The following ADGRE3 variants were observed in gnomAD, a reference collection of about 807,000 sequenced individuals.
ADGRE3 encodes adhesion G protein-coupled receptor E3.
A neutral mutation model predicts 80.1 loss-of-function variants in ADGRE3; 88 were observed. That is an observed-to-expected ratio of 1.10 (90% CI 0.93 to 1.31). The LOEUF is 1.31. ADGRE3 is among the 40% of genes most tolerant of loss of function. The pLI, the probability that ADGRE3 is intolerant of heterozygous loss-of-function variation, is 0.00. For missense variants in ADGRE3, 715 were observed against 776.5 expected (o/e 0.92, Z 0.94); for synonymous variants, 281 against 294.8 (o/e 0.95, Z 0.48).
At position 14,658,540 on chromosome 19, in the gene ADGRE3, G is replaced by C; in HGVS notation, c.366C>G (p.Ser122=). The C allele has an allele frequency of 6.4e-7, 1 of 1,566,000 alleles. No homozygotes were observed. The highest frequency in any genetic ancestry group is 8.7e-7 in the Non-Finnish European group (1 of 1,155,562). ...SNENTCQDTT[S]SKTTEGRKEL... is the part of the protein sequence containing the mutation. ...CTTTCCTGCCCTCGGTTGTCTTTGA[G>C]GAGGTGGTGTCTGCAAAAGACATCA... is the stretch of plus-strand genomic sequence containing the variant. Residue 122 remains serine (S), a synonymous_variant, in exon 5 of 16, where the codon TCC becomes TCG. Coordinates refer to ENST00000253673, the MANE Select transcript of ADGRE3 (RefSeq NM_032571.5).
chr19:14,664,876 C>G (rs1441596828), intron 2 of ADGRE3, among the ~76,000 whole-genome samples: 1 of 151,956 alleles, frequency 6.6e-6, no homozygotes, highest in Non-Finnish European at 1.5e-5. Context: ...ACCCCAGATT[C>G]TGAGCTGTCT....
Position 14,662,056 on chromosome 19 carries a change from C to A in ADGRE3, c.262G>T (p.Val88Phe), listed in dbSNP as rs745737541. Residue 88 changes from valine (V) to phenylalanine (F), a missense_variant, in exon 4 of 16, where the codon GTC becomes TTC. Coordinates refer to ENST00000253673, the MANE Select transcript of ADGRE3 (RefSeq NM_032571.5). ...CATTGACAGTAGAAACTTCCTTCGA[C>A]ATTGTAACACACAGCGTTAAATCCA... Reference protein sequence around the residue: ...YCGFNAVCYNVEGSFYCQCVP... With the variant: ...YCGFNAVCYNFEGSFYCQCVP... 9.9e-6 allele frequency: 16 copies of A among 1,613,974 alleles called. No individual in the cohort carries two copies. The highest frequency in any genetic ancestry group is 2.7e-5 in the African/African-American group (2 of 74,930).
intron 7 of ADGRE3, among the ~76,000 whole-genome samples, chr19:14,648,017 G>A (rs1182259455): frequency 6.7e-6 from 1 of 149,364 alleles, no homozygotes; most frequent in African/African-American, 2.5e-5. Context: ...AAGAGGCGGA[G>A]GCTGAAGTAA....
intron 6 of ADGRE3, among the ~76,000 whole-genome samples, chr19:14,652,397 T>C (rs1971632448): frequency 6.6e-6 from 1 of 151,884 alleles, no homozygotes; most frequent in Non-Finnish European, 1.5e-5. Flanking sequence ...GATGGGTGCA[T>C]CAGGGATTTT....
the ADGRE3 span, among the ~76,000 whole-genome samples, chr19:14,612,489 C>G: frequency 6.6e-6 from 1 of 152,190 alleles, no homozygotes; most frequent in Admixed American, 6.5e-5. Flanking sequence ...TGTGCACCAC[C>G]GTGCCTGGTT....
At chr19:14,662,224 C>G in intron 3 of ADGRE3, 106 bp from the exon 4 acceptor site, 1 of 1,134,380 alleles carries the variant, frequency 8.8e-7, no homozygotes, top group Non-Finnish European at 1.3e-6. Context: ...TCCTGGCTTT[C>G]CGAGACAAAT....
chr19:14,621,234 CTT>C (rs1157742319), intron 15 of ADGRE3, among the ~76,000 whole-genome samples: 19 of 152,140 alleles, frequency 1.2e-4, no homozygotes, highest in African/African-American at 4.3e-4. Flanking sequence ...GGGCGGATCA[CTT>C]GAGATCAGGA....
At chr19:14,636,505 C>A (rs894262868) in intron 11 of ADGRE3, among the ~76,000 whole-genome samples, 2 of 152,008 alleles carry the variant, frequency 1.3e-5, no homozygotes, top group African/African-American at 4.8e-5. Context: ...CCGTGCCCGA[C>A]CTTAAAGCTC....
At chr19:14,617,360 T>TTC (rs1568469519), downstream of ADGRE3, among the ~76,000 whole-genome samples, 1 of 115,870 alleles carries the variant, frequency 8.6e-6, no homozygotes, top group African/African-American at 3.4e-5. Flanking sequence ...CTTTCTTTCT[T>TTC]TCTTTCTTTC....
chr19:14,628,160 A>G (rs1228664267), intron 14 of ADGRE3, among the ~76,000 whole-genome samples: 1 of 151,882 alleles, frequency 6.6e-6, no homozygotes, highest in Non-Finnish European at 1.5e-5. Flanking sequence ...ACAACAAAAA[A>G]ACGAATAACA....
At chr19:14,608,320 A>C in the ADGRE3 span, among the ~76,000 whole-genome samples, 1 of 152,044 alleles carries the variant, frequency 6.6e-6, no homozygotes, top group Non-Finnish European at 1.5e-5. Context: ...GGGCCTAGAG[A>C]CCCTGATTGC....
intron 14 of ADGRE3, among the ~76,000 whole-genome samples, chr19:14,629,827 A>T (rs2146811285): frequency 6.6e-6 from 1 of 152,268 alleles, no homozygotes; most frequent in South Asian, 2.1e-4. Flanking sequence ...TTTTTTTTTG[A>T]CATAGCAATT....
chr19:14,661,815 G>A (rs1425631999), intron 4 of ADGRE3, 148 bp downstream of exon 4: 3 of 737,834 alleles, frequency 4.1e-6, no homozygotes, highest in South Asian at 3.6e-5. Context: ...CAGGAGAATC[G>A]CTTGAGCCCG....
At chr19:14,666,673 G>A (rs759311682) in intron 2 of ADGRE3, among the ~76,000 whole-genome samples, 3 of 152,114 alleles carry the variant, frequency 2.0e-5, no homozygotes, top group Admixed American at 6.6e-5. Flanking sequence ...CACCGTGCCT[G>A]GCCTGTTGGC....
chr19:14,673,238 G>C (rs1474574132), intron 1 of ADGRE3, among the ~76,000 whole-genome samples: 1 of 152,222 alleles, frequency 6.6e-6, no homozygotes, highest in Non-Finnish European at 1.5e-5. Context: ...GTGAGGCTTT[G>C]AGAAATTCAC....
intron 2 of ADGRE3, among the ~76,000 whole-genome samples, chr19:14,666,190 A>C (rs1972102403): frequency 6.6e-6 from 1 of 151,484 alleles, no homozygotes; most frequent in African/African-American, 2.4e-5. Flanking sequence ...TGTTTTCCAC[A>C]GTGGTTGTAC....
chr19:14,661,939 G>C, intron 4 of ADGRE3, 24 bp downstream of exon 4: 1 of 1,609,422 alleles, frequency 6.2e-7, no homozygotes, highest in South Asian at 1.1e-5. Context: ...AGGAAGGAAG[G>C]CAGGAGGACA....
chr19:14,601,358 A>C, the ADGRE3 span, among the ~76,000 whole-genome samples: 1 of 152,172 alleles, frequency 6.6e-6, no homozygotes, highest in African/African-American at 2.4e-5. Flanking sequence ...GTAGGGAAAT[A>C]AGTCTCACCT....
chr19:14,643,056 G>A (rs939458746), intron 9 of ADGRE3, among the ~76,000 whole-genome samples: 1 of 150,536 alleles, frequency 6.6e-6, no homozygotes, highest in Admixed American at 6.6e-5. Context: ...AACAGTGTGT[G>A]TTCCTTTTTT....
Sources: allele counts gnomAD v4.1 joint callset (sites outside exome capture counted in the v4.1 genomes callset), GRCh38; gene constraint gnomAD v4.1.1; transcripts MANE v1.5; gene names NCBI Gene and HGNC (gene_info 2026-07-23, HGNC 2026-07-21).